Variants in ARL15 observed in about 807,000 individuals in gnomAD.
ARL15 encodes ARF like GTPase 15, also known as ADP-ribosylation factor-like protein 15.
Under a neutral mutation model 25.2 loss-of-function variants are expected in ARL15, and 19 were observed. The ratio of observed to expected loss-of-function variants is 0.75; its 90% confidence interval spans 0.53 to 1.10. The LOEUF is 1.10. Ranked by LOEUF, ARL15 falls within the 50% of genes least tolerant of loss-of-function variation. The pLI is 0.00. For missense variants in ARL15, 220 were observed against 246.0 expected (o/e 0.89, Z 0.71); for synonymous variants, 94 against 86.8 (o/e 1.08, Z -0.46).
chr5:54,085,084 C>A (rs373017383), intron 4 of ARL15, among the ~76,000 whole-genome samples: 3 of 152,130 alleles, frequency 2.0e-5, no homozygotes, highest in Non-Finnish European at 4.4e-5. Flanking sequence ...CTACATTTTG[C>A]GTAAGGCTGC....
At chr5:53,967,415 T>C (rs1747600343) in intron 4 of ARL15, among the ~76,000 whole-genome samples, 1 of 152,090 alleles carries the variant, frequency 6.6e-6, no homozygotes, top group Admixed American at 6.5e-5. Flanking sequence ...ATTTCAGCAA[T>C]GAAGATGGAG....
chr5:54,174,186 G>T (rs1224891359), intron 1 of ARL15, among the ~76,000 whole-genome samples: 2 of 152,108 alleles, frequency 1.3e-5, no homozygotes, highest in Non-Finnish European at 2.9e-5. Flanking sequence ...GCAGATAATT[G>T]TTGAATGAAG....
At chr5:53,967,360 A>G (rs1747599221) in intron 4 of ARL15, among the ~76,000 whole-genome samples, 1 of 152,218 alleles carries the variant, frequency 6.6e-6, no homozygotes, top group African/African-American at 2.4e-5. Context: ...AAAGTATTGA[A>G]TGATAAGATC....
At chr5:54,060,474 T>C (rs927496610) in intron 4 of ARL15, among the ~76,000 whole-genome samples, 6 of 151,804 alleles carry the variant, frequency 4.0e-5, no homozygotes, top group Admixed American at 2.0e-4. Context: ...AACATGGGAG[T>C]TTCCCAAGGG....
chr5:53,993,772 A>T (rs1243698263), intron 4 of ARL15, among the ~76,000 whole-genome samples: 1 of 152,186 alleles, frequency 6.6e-6, no homozygotes, highest in Non-Finnish European at 1.5e-5. Context: ...GATTAGTTAG[A>T]GTCAGGTCCT....
intron 3 of ARL15, among the ~76,000 whole-genome samples, chr5:54,135,691 A>G (rs1326019721): frequency 6.6e-6 from 1 of 152,228 alleles, no homozygotes; most frequent in Non-Finnish European, 1.5e-5. Flanking sequence ...TCACCATGCA[A>G]GTACTCAGTT....
At chr5:54,281,941 A>C (rs1171688884) in intron 1 of ARL15, among the ~76,000 whole-genome samples, 1 of 151,812 alleles carries the variant, frequency 6.6e-6, no homozygotes, top group Non-Finnish European at 1.5e-5. Context: ...TTAAATTAAA[A>C]CTCCATAATT....
chr5:53,913,923 C>A (rs1223098874), intron 4 of ARL15, among the ~76,000 whole-genome samples: 1 of 152,064 alleles, frequency 6.6e-6, no homozygotes, highest in Non-Finnish European at 1.5e-5. Context: ...ATGTGAAGTA[C>A]AATTATTATA....
intron 4 of ARL15, among the ~76,000 whole-genome samples, chr5:54,079,647 C>CAA (rs1751724783): frequency 6.6e-6 from 1 of 151,832 alleles, no homozygotes; most frequent in African/African-American, 2.4e-5. Flanking sequence ...ATTAGAACAC[C>CAA]AAAAATTCAA....
chr5:54,209,641 T>C (rs532855927), intron 1 of ARL15, among the ~76,000 whole-genome samples: 1 of 152,272 alleles, frequency 6.6e-6, no homozygotes, highest in South Asian at 2.1e-4. Context: ...GTAGTACCAT[T>C]CTTTTTAAAG....
chr5:54,154,945 A>T (rs1754183112), intron 2 of ARL15, among the ~76,000 whole-genome samples: 1 of 152,078 alleles, frequency 6.6e-6, no homozygotes, highest in Non-Finnish European at 1.5e-5. Context: ...ACATGGTGAA[A>T]CCCCGTTTCT....
intron 4 of ARL15, among the ~76,000 whole-genome samples, chr5:53,937,501 G>A (rs1746389739): frequency 6.6e-6 from 1 of 152,124 alleles, no homozygotes; most frequent in Non-Finnish European, 1.5e-5. Flanking sequence ...AGTCAAGGAT[G>A]GGCTGCATAT....
At chr5:54,131,712 A>C (rs1753443811) in intron 3 of ARL15, among the ~76,000 whole-genome samples, 1 of 152,216 alleles carries the variant, frequency 6.6e-6, no homozygotes, top group Non-Finnish European at 1.5e-5. Flanking sequence ...GTACTATACT[A>C]GGTGCAGAGG....
chr5:53,885,900 T>A lies in ARL15; in HGVS notation c.*661A>T, dbSNP rs1203478752. Reference sequence around the variant, plus strand: ...ACCACTCTCAGAAACTGAAACAATGTCTTTGCTCTTAAAAGAGAAGAGACT... The same window carrying A: ...ACCACTCTCAGAAACTGAAACAATGACTTTGCTCTTAAAAGAGAAGAGACT... On this transcript the variant is annotated 3_prime_UTR_variant, in exon 5 of 5. Coordinates refer to ENST00000504924, the MANE Select transcript of ARL15 (RefSeq NM_019087.3). The A allele has an allele frequency of 6.6e-6, 1 of 152,088 alleles. No homozygotes were observed. Among genetic ancestry groups the A allele is most frequent in the Non-Finnish European group, 1.5e-5 (1 of 68,022 alleles). The allele number at this position is 152,088 out of a possible 1,614,324, so 9.4% of individuals were successfully genotyped here.
intron 4 of ARL15, among the ~76,000 whole-genome samples, chr5:54,101,261 T>G (rs1752429991): frequency 6.6e-6 from 1 of 152,094 alleles, no homozygotes; most frequent in African/African-American, 2.4e-5. Context: ...TATTTTTCAG[T>G]TCGGCTTTAC....
rs554530695 is a variant in ARL15 at position 54,023,301 on chromosome 5, T to TG, written c.462+89900_462+89901insC. ...ACACTAAAAATCTAAACAGACACATTTAAAAATATTACAGATATATGGAAA... is the reference window on the plus strand; with the variant it reads ...ACACTAAAAATCTAAACAGACACATTGTAAAAATATTACAGATATATGGAAA... On this transcript the variant is annotated intron_variant, in intron 4 of 4. Transcript: ENST00000504924. Among the ~76,000 whole-genome samples the TG allele has an allele frequency of 1.2e-4, 18 of 151,750 alleles. No homozygotes were observed. In the South Asian group the frequency reaches 2.1e-3, roughly 18 times the overall value.
At chr5:53,922,676 T>A (rs995122424) in intron 4 of ARL15, among the ~76,000 whole-genome samples, 5 of 152,182 alleles carry the variant, frequency 3.3e-5, no homozygotes, top group South Asian at 4.1e-4. Flanking sequence ...TTCAAATGGA[T>A]AGGCCAGTAC....
intron 4 of ARL15, among the ~76,000 whole-genome samples, chr5:53,896,239 G>A (rs1019002509): frequency 3.3e-5 from 5 of 152,082 alleles, no homozygotes; most frequent in African/African-American, 1.2e-4. Context: ...TTGCCATGTT[G>A]GCTAGGCTGG....
intron 4 of ARL15, among the ~76,000 whole-genome samples, chr5:54,096,694 G>C (rs1397053260): frequency 6.6e-6 from 1 of 152,192 alleles, no homozygotes; most frequent in Non-Finnish European, 1.5e-5. Context: ...ACAGGTGTGA[G>C]CCACCGTGCC....
Sources: gnomAD v4.1 joint callset for allele counts (sites outside exome capture counted in the v4.1 genomes callset) on GRCh38, gnomAD v4.1.1 for gene constraint, MANE v1.5 for transcripts, NCBI Gene and HGNC (gene_info 2026-07-23, HGNC 2026-07-21) for gene names.